VOPP1: variants seen among roughly 807,000 people sequenced by gnomAD.
VOPP1 encodes the protein VOPP1 WW domain binding protein.
A neutral mutation model predicts 23.5 loss-of-function variants in VOPP1; 8 were observed. That is an observed-to-expected ratio of 0.34 (90% confidence interval 0.20 to 0.61). The LOEUF is 0.61. VOPP1 is among the 20% of genes least tolerant of loss of function. VOPP1 has a pLI of 0.78. For synonymous variants in VOPP1, 83 were observed against 97.3 expected, an observed-to-expected ratio of 0.85 and a Z score of 0.86; for missense variants, 174 against 238.1, an observed-to-expected ratio of 0.73 and a Z score of 1.77.
intron 1 of VOPP1, among the ~76,000 whole-genome samples, chr7:55,553,526 C>T (rs1797695336): frequency 1.3e-5 from 2 of 152,090 alleles, no homozygotes; most frequent in African/African-American, 4.8e-5. Context: ...TTCTGGTTTT[C>T]ATTTAAATAT....
At chr7:55,535,988 C>G (rs1040973748) in intron 1 of VOPP1, among the ~76,000 whole-genome samples, 1 of 152,226 alleles carries the variant, frequency 6.6e-6, no homozygotes, top group Admixed American at 6.5e-5. Context: ...AAGCAAGGAT[C>G]ATGCACTCAG....
chr7:55,479,479 A>G lies in VOPP1; in HGVS notation c.329-6434T>C, dbSNP rs140614281. On this transcript the variant is annotated intron_variant, in intron 4 of 4. Coordinates refer to ENST00000285279, the MANE Select transcript of VOPP1 (RefSeq NM_030796.5). ...GAGGTTGTATCTGTTCATTTTGCTA[A>G]ACTGTCTCAACTCTTAGAAATATTT... Among the ~76,000 whole-genome samples the G allele has an allele frequency of 2.0e-5, 3 of 152,206 alleles. No individual in the cohort carries two copies. In the East Asian group the frequency reaches 5.8e-4, roughly 29 times the overall value.
chr7:55,440,349 C>T (rs78864037), intron 4 of VOPP1, among the ~76,000 whole-genome samples: 5,571 of 152,240 alleles, frequency 0.037, 290 homozygotes, highest in African/African-American at 0.11. Flanking sequence ...TGAGCAGGCT[C>T]CCAGCCACCT....
Position 55,571,311 on chromosome 7 carries a change from A to G in VOPP1, c.54+960T>C, listed in dbSNP as rs139733825. 1.3e-3 allele frequency among the ~76,000 whole-genome samples: 198 copies of G among 152,372 alleles called. 1 individual carries two copies. The highest frequency in any genetic ancestry group is 4.5e-3 in the African/African-American group (186 of 41,594). Reference sequence around the variant, plus strand: ...AATTACTTTTTAATAAAGGGCGAAGACAAACTAGTAATTTCCAGCACCAAT... The same window carrying G: ...AATTACTTTTTAATAAAGGGCGAAGGCAAACTAGTAATTTCCAGCACCAAT... On this transcript the variant is annotated intron_variant, in intron 1 of 4. Transcript: ENST00000285279.
At chr7:55,481,858 G>A (rs892111549) in intron 4 of VOPP1, among the ~76,000 whole-genome samples, 2 of 152,190 alleles carry the variant, frequency 1.3e-5, no homozygotes, top group Non-Finnish European at 2.9e-5. Context: ...CACGAAGTTT[G>A]AAACAAAGCC....
intron 4 of VOPP1, among the ~76,000 whole-genome samples, chr7:55,486,986 G>A (rs1793191924): frequency 1.3e-5 from 2 of 152,182 alleles, no homozygotes; most frequent in African/African-American, 4.8e-5. Context: ...AGACCGGGGA[G>A]AGGTGGCCTG....
intron 4 of VOPP1, among the ~76,000 whole-genome samples, chr7:55,484,622 C>A (rs1298815746): frequency 6.6e-6 from 1 of 151,982 alleles, no homozygotes; most frequent in African/African-American, 2.4e-5. Flanking sequence ...GACATTTTTT[C>A]TTTGAAGTAA....
At chr7:55,485,809 C>A (rs1793096956) in intron 4 of VOPP1, among the ~76,000 whole-genome samples, 1 of 152,262 alleles carries the variant, frequency 6.6e-6, no homozygotes, top group African/African-American at 2.4e-5. Context: ...GACCTCCAGT[C>A]TTGTTTGGCC....
chr7:55,459,794 T>C (rs1320433028), intron 4 of VOPP1, among the ~76,000 whole-genome samples: 1 of 152,096 alleles, frequency 6.6e-6, no homozygotes, highest in African/African-American at 2.4e-5. Flanking sequence ...TTATCAATTT[T>C]GTGTATCTTT....
chr7:55,459,300 C>T (rs2129003226), intron 4 of VOPP1, among the ~76,000 whole-genome samples: 1 of 152,126 alleles, frequency 6.6e-6, no homozygotes, highest in South Asian at 2.1e-4. Flanking sequence ...GATTTTTATG[C>T]CTGTGTTCAT....
At chr7:55,440,938 AG>A (rs1204703337) in intron 4 of VOPP1, among the ~76,000 whole-genome samples, 2 of 152,206 alleles carry the variant, frequency 1.3e-5, no homozygotes, top group Non-Finnish European at 2.9e-5. Flanking sequence ...AACCATGTTC[AG>A]GGATCAAAGA....
chr7:55,566,060 A>G (rs1798154361), intron 1 of VOPP1, among the ~76,000 whole-genome samples: 1 of 152,234 alleles, frequency 6.6e-6, no homozygotes. Flanking sequence ...ACAAAGGTGC[A>G]GCAGCTCATG....
At chr7:55,567,275 G>C (rs1798193890) in intron 1 of VOPP1, among the ~76,000 whole-genome samples, 1 of 152,194 alleles carries the variant, frequency 6.6e-6, no homozygotes, top group South Asian at 2.1e-4. Context: ...CAAAACCTTT[G>C]CCCCTAAATT....
At chr7:55,484,635 T>A (rs1331731237) in intron 4 of VOPP1, among the ~76,000 whole-genome samples, 2 of 152,242 alleles carry the variant, frequency 1.3e-5, no homozygotes, top group African/African-American at 4.8e-5. Flanking sequence ...TGAAGTAATA[T>A]AATGAACATG....
chr7:55,539,030 T>C lies in VOPP1; in HGVS notation c.55-17900A>G, dbSNP rs550732344. On this transcript the variant is annotated intron_variant, in intron 1 of 4. Coordinates refer to ENST00000285279, the MANE Select transcript of VOPP1 (RefSeq NM_030796.5). Reference sequence around the variant, plus strand: ...TTTCATTCCTTTTTGTTTCATTCCTTTAAAAAAAAAGGGGGGGGGGGAGGG... The same window carrying C: ...TTTCATTCCTTTTTGTTTCATTCCTCTAAAAAAAAAGGGGGGGGGGGAGGG... Among the ~76,000 whole-genome samples the C allele has an allele frequency of 7.4e-4, 68 of 92,212 alleles. 1 individual carries two copies. Among genetic ancestry groups the C allele is most frequent in the African/African-American group, 3.1e-3 (65 of 21,108 alleles). The allele number at this position is 92,212 out of a possible 152,430, so 60.5% of individuals were successfully genotyped here.
At chr7:55,569,414 G>A (rs916246147) in intron 1 of VOPP1, among the ~76,000 whole-genome samples, 1 of 152,166 alleles carries the variant, frequency 6.6e-6, no homozygotes, top group Admixed American at 6.5e-5. Flanking sequence ...ACTTTCCAGG[G>A]CCACCACTGC....
chr7:55,559,882 A>C (rs1255139842), intron 1 of VOPP1, among the ~76,000 whole-genome samples: 1 of 152,210 alleles, frequency 6.6e-6, no homozygotes, highest in African/African-American at 2.4e-5. Flanking sequence ...GGCCAGGCGC[A>C]GTGTCTCATG....
chr7:55,549,769 G>T (rs987051856), intron 1 of VOPP1, among the ~76,000 whole-genome samples: 3 of 152,156 alleles, frequency 2.0e-5, no homozygotes, highest in African/African-American at 7.2e-5. Context: ...CTTAGACAAA[G>T]AACACCTCCT....
intron 1 of VOPP1, among the ~76,000 whole-genome samples, chr7:55,536,516 C>T (rs1386837044): frequency 6.6e-6 from 1 of 152,058 alleles, no homozygotes; most frequent in Non-Finnish European, 1.5e-5. Context: ...GTGAGAGTGA[C>T]ACTCTGTCTC....
Sources: allele counts gnomAD v4.1 joint callset (sites outside exome capture counted in the v4.1 genomes callset), GRCh38; gene constraint gnomAD v4.1.1; transcripts MANE v1.5; gene names NCBI Gene and HGNC (gene_info 2026-07-23, HGNC 2026-07-21).